The following GAD1 variants were observed in gnomAD, a reference collection of about 807,000 sequenced individuals.
GAD1 encodes the protein 67 kDa glutamic acid decarboxylase.
Under a neutral mutation model 75.2 loss-of-function variants are expected in GAD1, and 35 were observed. The ratio of observed to expected loss-of-function variants is 0.47; its 90% confidence interval spans 0.36 to 0.62. The LOEUF (loss-of-function observed/expected upper bound fraction) is 0.62, where lower values mean the gene tolerates loss of function less well. Among genes scored for constraint, GAD1 ranks in the 20% least tolerant of loss-of-function variants. GAD1 has a pLI of 0.00. For synonymous variants in GAD1, 257 were observed against 271.9 expected (o/e 0.95, Z 0.54); for missense variants, 490 against 758.5 (o/e 0.65, Z 4.16).
rs1482564658 is a variant in GAD1, at chr2:170,827,879, A to G, written c.146-1596A>G. On this transcript the variant is annotated intron_variant, in intron 3 of 16. Transcript: ENST00000358196. The stretch of plus-strand genomic sequence containing the variant: ...GAAGATTGAAGCTTTTTTTTGTCTC[A>G]CAGTACCTTCATTCAAGGAGAGGGG... Among the ~76,000 whole-genome samples the G allele has an allele frequency of 2.0e-5, 3 of 152,074 alleles. No individual in the cohort carries two copies. The East Asian group carries it at 5.8e-4, about 29-fold the overall frequency.
chr2:170,854,943 A>C (rs1416145791), intron 14 of GAD1, among the ~76,000 whole-genome samples: 1 of 152,206 alleles, frequency 6.6e-6, no homozygotes, highest in Non-Finnish European at 1.5e-5. Flanking sequence ...CCAAAATATG[A>C]GTGAGGGAGA....
At chr2:170,852,822 G>T in intron 13 of GAD1, 30 bp downstream of exon 13, 1 of 1,591,502 alleles carries the variant, frequency 6.3e-7, no homozygotes, top group Non-Finnish European at 8.6e-7. Flanking sequence ...CTACACTGGG[G>T]CCCGTACGTT....
intron 5 of GAD1, among the ~76,000 whole-genome samples, chr2:170,832,304 G>A (rs934961642): frequency 6.6e-6 from 1 of 152,168 alleles, no homozygotes; most frequent in African/African-American, 2.4e-5. Context: ...GTCTTTACCA[G>A]CTTCCAGGTG....
chr2:170,817,334 T>A (rs1024978877), intron 1 of GAD1: 1 of 151,280 alleles, frequency 6.6e-6, no homozygotes, highest in South Asian at 2.1e-4. Context: ...CAAGAGCGAT[T>A]TTCCCTTGAG....
chr2:170,827,564 C>T (rs545289624), intron 3 of GAD1, among the ~76,000 whole-genome samples: 19 of 152,324 alleles, frequency 1.2e-4, no homozygotes, highest in South Asian at 2.1e-4. Flanking sequence ...CGTTTGCTGC[C>T]GGAGTTTGTC....
chr2:170,831,925 C>T (rs986483468), intron 5 of GAD1, among the ~76,000 whole-genome samples: 11 of 150,656 alleles, frequency 7.3e-5, no homozygotes, highest in African/African-American at 2.7e-4. Context: ...AAGATCGTGC[C>T]ACTGCACTCC....
chr2:170,827,253 T>C (rs1702046839), intron 3 of GAD1, among the ~76,000 whole-genome samples: 1 of 152,182 alleles, frequency 6.6e-6, no homozygotes, highest in Admixed American at 6.5e-5. Context: ...ATTCTCCAGA[T>C]TAACTTGCCT....
intron 11 of GAD1, among the ~76,000 whole-genome samples, chr2:170,848,466 C>T (rs1702680925): frequency 6.8e-6 from 1 of 146,836 alleles, no homozygotes; most frequent in Non-Finnish European, 1.5e-5. Flanking sequence ...CACATCACTC[C>T]AGCCTGGGCA....
intron 10 of GAD1, among the ~76,000 whole-genome samples, chr2:170,847,287 A>G (rs998646226): frequency 1.3e-5 from 2 of 151,798 alleles, no homozygotes; most frequent in Non-Finnish European, 2.9e-5. Flanking sequence ...ACTTATTATT[A>G]CTCTTTCCTG....
chr2:170,818,803 C>T lies in GAD1; in HGVS notation c.82+130C>T. The T allele has an allele frequency of 1.1e-6, 1 of 888,462 alleles. No homozygotes were observed. Among genetic ancestry groups the T allele is most frequent in the Non-Finnish European group, 1.9e-6 (1 of 539,778 alleles). 55.0% of individuals were successfully genotyped at this position (888,462 alleles called of 1,614,324 possible). On this transcript the variant is annotated intron_variant, in intron 2 of 16. Transcript: ENST00000358196. The surrounding 1 kb of genome is among the most constrained non-coding windows in gnomAD (Gnocchi z 5.9). ...AATGGAGGCTGGGAAATAAATGGGG[C>T]TCTGACCCCGTCCCTGCCAGAGGTC...
At chr2:170,834,509 C>CTT (rs1365794436) in intron 5 of GAD1, among the ~76,000 whole-genome samples, 1 of 152,168 alleles carries the variant, frequency 6.6e-6, no homozygotes, top group Admixed American at 6.5e-5. Context: ...AACTAACAGG[C>CTT]ACCAGTCAGC....
intron 6 of GAD1, among the ~76,000 whole-genome samples, chr2:170,837,343 G>A (rs937017928): frequency 2.0e-5 from 3 of 152,170 alleles, no homozygotes; most frequent in Non-Finnish European, 4.4e-5. Context: ...AAATTCAGCC[G>A]ATACTGATAC....
chr2:170,838,562 CACTGAATTT>C (rs1423464752), intron 6 of GAD1, among the ~76,000 whole-genome samples: 2 of 152,284 alleles, frequency 1.3e-5, no homozygotes, highest in Admixed American at 1.3e-4. Context: ...TTAATACAAG[CACTGAATTT>C]ACTCAGCACC....
intron 6 of GAD1, among the ~76,000 whole-genome samples, chr2:170,843,405 T>C (rs1294647330): frequency 6.6e-6 from 1 of 152,238 alleles, no homozygotes; most frequent in Non-Finnish European, 1.5e-5. Flanking sequence ...GAATTATTCT[T>C]GACAGATATT....
intron 3 of GAD1, among the ~76,000 whole-genome samples, chr2:170,824,377 C>G (rs928861255): frequency 2.1e-5 from 2 of 93,348 alleles, no homozygotes; most frequent in Non-Finnish European, 4.4e-5. Context: ...CCCTGCCTGC[C>G]TACACACACA....
At chr2:170,816,379 A>G (rs1415038327), upstream of GAD1, 2 of 152,268 alleles carry the variant, frequency 1.3e-5, no homozygotes, top group Non-Finnish European at 2.9e-5. Context: ...GTAGAGAGCC[A>G]ACGAGGACAC....
upstream of GAD1, chr2:170,816,318 G>A (rs1007560159): frequency 6.6e-6 from 1 of 152,382 alleles, no homozygotes; most frequent in Non-Finnish European, 1.5e-5. Context: ...CATGGTCTAA[G>A]AGGTCTCCCC....
intron 11 of GAD1, chr2:170,848,619 A>G: frequency 2.0e-6 from 1 of 491,908 alleles, no homozygotes; most frequent in Non-Finnish European, 4.1e-6. Context: ...AACACAAAAG[A>G]TGCATTTTCA....
upstream of GAD1, among the ~76,000 whole-genome samples, chr2:170,814,145 ATGT>A (rs1559262702): frequency 6.6e-6 from 1 of 152,210 alleles, no homozygotes; most frequent in Non-Finnish European, 1.5e-5. Flanking sequence ...TAGGTTTCAA[ATGT>A]TGTTTAGAGC....
Sources: gnomAD v4.1 joint callset for allele counts (sites outside exome capture counted in the v4.1 genomes callset) on GRCh38, gnomAD v4.1.1 for gene constraint, Gnocchi (gnomAD v3.1) non-coding constraint, MANE v1.5 for transcripts, NCBI Gene and HGNC (gene_info 2026-07-23, HGNC 2026-07-21) for gene names.